The following SYT14 variants were observed in gnomAD, a reference collection of about 807,000 sequenced individuals.
The protein encoded by SYT14 is synaptotagmin 14, also known as synaptotagmin-14.
SYT14 carries 32 observed loss-of-function variants against 74.2 expected under a neutral mutation model. The ratio of observed to expected loss-of-function variants is 0.43; its 90% CI spans 0.33 to 0.58. SYT14 has a LOEUF of 0.58. Among genes scored for constraint, SYT14 ranks in the 20% least tolerant of loss-of-function variants. The pLI, the probability that SYT14 is intolerant of heterozygous loss-of-function variation, is 0.05. For synonymous variants in SYT14, 298 were observed against 337.7 expected (o/e 0.88, Z 1.29); for missense variants, 791 against 981.8 (o/e 0.81, Z 2.60).
At chr1:209,995,014 G>C (rs773047895) in intron 2 of SYT14, among the ~76,000 whole-genome samples, 1 of 152,124 alleles carries the variant, frequency 6.6e-6, no homozygotes, top group African/African-American at 2.4e-5. Flanking sequence ...GGAATCGTAA[G>C]AACAATATCT....
At position 209,970,662 on chromosome 1, in the gene SYT14, C is replaced by CTTTTTTTTTTTTTTTTTT. The variant is rs35639848; in HGVS notation, c.-486+17928_-486+17945dup. On this transcript the variant is annotated intron_variant, in intron 2 of 9. Transcript: ENST00000637265. ...TTACAGATTGCTTTGGGCAGTATGG[C>CTTTTTTTTTTTTTTTTTT]TTTTTTTTTTTTTTTTTTTTTTTTT... Among the ~76,000 whole-genome samples the CTTTTTTTTTTTTTTTTTT allele has an allele frequency of 9.6e-5, 6 of 62,786 alleles. 1 individual carries two copies. Among genetic ancestry groups the CTTTTTTTTTTTTTTTTTT allele is most frequent in the Admixed American group, 4.5e-4 (2 of 4,396 alleles). The allele number at this position is 62,786 out of a possible 152,430, so 41.2% of individuals were successfully genotyped here.
rs531032144 is a variant in SYT14 at position 210,100,400 on chromosome 1, A to C, written c.1973A>C (p.Lys658Thr). 3.1e-6 allele frequency: 5 copies of C among 1,613,608 alleles called. No homozygotes were observed. In the South Asian group the frequency reaches 4.4e-5, roughly 14 times the overall value. The change falls in exon 7 of 10, where the codon AAA (lysine) becomes ACA (threonine). Residue 658 changes from lysine (K) to threonine (T), a missense_variant. Physicochemically the swap from Lys to Thr is moderately conservative, Grantham distance 78 (BLOSUM62 -1). Transcript: ENST00000637265. ...GGGGAAAAGATTTTTTATTTAACAAAATTGAATCTTCAAGGGAAAATGTCA... is the reference window on the plus strand; with the variant it reads ...GGGGAAAAGATTTTTTATTTAACAACATTGAATCTTCAAGGGAAAATGTCA...
chr1:210,165,016 G>A (rs1235492733), exon 10 of SYT14: 1 of 152,092 alleles, frequency 6.6e-6, no homozygotes, highest in South Asian at 2.1e-4. Context: ...CTAAGATCTA[G>A]CACAATAATT....
chr1:210,127,395 C>T (rs956786866), intron 7 of SYT14, among the ~76,000 whole-genome samples: 1 of 152,158 alleles, frequency 6.6e-6, no homozygotes, highest in Admixed American at 6.5e-5. Flanking sequence ...GTGGCTACAG[C>T]AGATGCCCTC....
At position 209,938,229 on chromosome 1, in the gene SYT14, C is replaced by G. The variant is rs200959890; in HGVS notation, c.-582C>G. The G allele has an allele frequency of 4.7e-3, 7,233 of 1,528,102 alleles. 28 individuals carry two copies. Among genetic ancestry groups the G allele is most frequent in the Middle Eastern group, 8.3e-3 (47 of 5,686 alleles). 94.7% of individuals were successfully genotyped at this position (1,528,102 alleles called of 1,614,324 possible). ...CGCCAGCCCTCGCGTCTGCTGCCCC[C>G]GCCATCCAGTTGGTGCGGTCCATGG... On this transcript the variant is annotated 5_prime_UTR_variant, in exon 1 of 10. Coordinates refer to ENST00000637265, the Ensembl canonical transcript of SYT14.
At chr1:210,114,427 G>A (rs1057371669) in intron 7 of SYT14, among the ~76,000 whole-genome samples, 2 of 151,348 alleles carry the variant, frequency 1.3e-5, no homozygotes, top group African/African-American at 4.9e-5. Flanking sequence ...CCTTGAAGGC[G>A]AGGTTAATCA....
chr1:210,009,961 CCTCAA>C (rs1304361239), intron 2 of SYT14, among the ~76,000 whole-genome samples: 2 of 151,958 alleles, frequency 1.3e-5, no homozygotes. Flanking sequence ...TCTTTCTTAT[CCTCAA>C]CTCTTCTTCT....
chr1:210,049,816 T>C (rs2080958372), intron 5 of SYT14, among the ~76,000 whole-genome samples: 1 of 152,198 alleles, frequency 6.6e-6, no homozygotes, highest in Admixed American at 6.5e-5. Context: ...TGGTGGCCCC[T>C]TTCAGCCACG....
At chr1:210,017,584 A>G (rs576986080) in intron 4 of SYT14, among the ~76,000 whole-genome samples, 6 of 152,294 alleles carry the variant, frequency 3.9e-5, no homozygotes, top group Non-Finnish European at 7.4e-5. Context: ...GTGGTTCACA[A>G]TGTATTTTTA....
At chr1:210,062,162 C>T (rs2081217737) in intron 5 of SYT14, among the ~76,000 whole-genome samples, 1 of 151,810 alleles carries the variant, frequency 6.6e-6, no homozygotes, top group South Asian at 2.1e-4. Flanking sequence ...GTCTGGTGTG[C>T]AGTTGCATTA....
exon 4 of SYT14, chr1:210,017,057 A>G (rs1185654823): frequency 4.9e-6 from 6 of 1,231,672 alleles, no homozygotes; most frequent in Non-Finnish European, 6.1e-6. Context: ...AGGAACAGCA[A>G]AGAGTAAAGA....
chr1:210,088,047 T>C (rs908280457), intron 5 of SYT14, among the ~76,000 whole-genome samples: 4 of 152,228 alleles, frequency 2.6e-5, no homozygotes, highest in Non-Finnish European at 4.4e-5. Context: ...TCTAGTAGTT[T>C]ATCAATTTTA....
At chr1:210,128,978 T>G in intron 7 of SYT14, among the ~76,000 whole-genome samples, 1 of 152,226 alleles carries the variant, frequency 6.6e-6, no homozygotes. Context: ...TGTTTTCCTT[T>G]TCAAATATTT....
In SYT14 at chr1:210,143,878, C is replaced by G. The variant is rs529655850; in HGVS notation, c.2035-11843C>G. Among the ~76,000 whole-genome samples, 6 of 152,144 alleles carry G rather than the reference C, an allele frequency of 3.9e-5. No homozygotes were observed. The South Asian group carries it at 1.2e-3, about 32-fold the overall frequency. ...ATTTTATAATATTTACTTGTAACAT[C>G]TGTTAATACTGAAAATGATAGGGTT... is the stretch of plus-strand genomic sequence containing the variant. On this transcript the variant is annotated intron_variant, in intron 7 of 9. Transcript: ENST00000637265.
intron 2 of SYT14, among the ~76,000 whole-genome samples, chr1:210,002,634 G>A (rs1350473096): frequency 6.6e-6 from 1 of 151,470 alleles, no homozygotes; most frequent in African/African-American, 2.4e-5. Flanking sequence ...TCTAAATTTT[G>A]GCCATTCTGG....
chr1:210,082,331 C>T (rs2081631666), intron 5 of SYT14, among the ~76,000 whole-genome samples: 1 of 152,150 alleles, frequency 6.6e-6, no homozygotes, highest in Non-Finnish European at 1.5e-5. Context: ...GGAGACCAAC[C>T]CTTATTCTAA....
chr1:210,092,071 T>C (rs1037014229), intron 5 of SYT14, among the ~76,000 whole-genome samples: 3 of 152,244 alleles, frequency 2.0e-5, no homozygotes, highest in Admixed American at 1.3e-4. Context: ...ATATGTACTT[T>C]TAAAGGGGCA....
At chr1:210,036,451 A>G (rs968652587) in intron 5 of SYT14, among the ~76,000 whole-genome samples, 2 of 152,052 alleles carry the variant, frequency 1.3e-5, no homozygotes, top group Non-Finnish European at 2.9e-5. Context: ...TGCTCTGCCT[A>G]GGACTTCCCA....
exon 10 of SYT14, chr1:210,166,693 T>C (rs545706987): frequency 3.3e-5 from 5 of 152,104 alleles, no homozygotes; most frequent in Non-Finnish European, 7.4e-5. Context: ...AAACTCCACC[T>C]CCAGAGATTC....
Sources: gnomAD v4.1 joint callset for allele counts (sites outside exome capture counted in the v4.1 genomes callset) on GRCh38, gnomAD v4.1.1 for gene constraint, MANE v1.5 for transcripts, NCBI Gene and HGNC (gene_info 2026-07-23, HGNC 2026-07-21) for gene names.